The following KDM2A variants were observed in gnomAD, a reference collection of about 807,000 sequenced individuals.
KDM2A encodes lysine demethylase 2A, also known as lysine-specific demethylase 2A.
KDM2A carries 3 observed loss-of-function variants against 137.3 expected under a neutral mutation model. That is an observed-to-expected ratio of 0.02 (90% CI 0.01 to 0.06). KDM2A has a LOEUF of 0.06. Ranked by LOEUF, KDM2A falls within the 10% of genes least tolerant of loss-of-function variation. KDM2A has a pLI of 1.00. For synonymous variants in KDM2A, 512 were observed against 541.5 expected (o/e 0.95, Z 0.76); for missense variants, 738 against 1,510.6 (o/e 0.49, Z 8.48).
At chr11:67,173,802 T>C (rs1389543478) in intron 2 of KDM2A, among the ~76,000 whole-genome samples, 1 of 152,174 alleles carries the variant, frequency 6.6e-6, no homozygotes, top group Non-Finnish European at 1.5e-5. Flanking sequence ...AGCCTCAAGC[T>C]CCTGAGCTCA....
At chr11:67,234,981 G>T (rs1858824196) in intron 12 of KDM2A, among the ~76,000 whole-genome samples, 1 of 151,474 alleles carries the variant, frequency 6.6e-6, no homozygotes, top group South Asian at 2.1e-4. Context: ...CCCGTCTCTA[G>T]AAAAAATACA....
intron 2 of KDM2A, among the ~76,000 whole-genome samples, chr11:67,137,211 G>A (rs763444847): frequency 2.0e-5 from 3 of 152,184 alleles, no homozygotes; most frequent in Non-Finnish European, 4.4e-5. Flanking sequence ...ATAAGTGAAG[G>A]AGAGAGTTAA....
intron 2 of KDM2A, among the ~76,000 whole-genome samples, chr11:67,150,893 CCT>C (rs1334874641): frequency 2.6e-5 from 4 of 152,120 alleles, no homozygotes; most frequent in African/African-American, 9.7e-5. Context: ...ATAGCATTCA[CCT>C]CTTCTTTCAT....
In KDM2A at chr11:67,121,231, T is replaced by C. The variant is rs1390637607; in HGVS notation, c.-83-3T>C. The C allele has an allele frequency of 1.1e-6, 1 of 917,670 alleles. No homozygotes were observed. Among genetic ancestry groups the C allele is most frequent in the Non-Finnish European group, 1.8e-6 (1 of 559,140 alleles). 56.8% of individuals were successfully genotyped at this position (917,670 alleles called of 1,614,324 possible). A position where few individuals can be genotyped will look rare whatever the true frequency, so the allele number is the denominator to read the frequency against. The stretch of plus-strand genomic sequence containing the variant: ...CATTTCTGCTTATATCATTATTCTT[T>C]AGTGTTGCAATCTGGTTCCTAAGGA... On this transcript the variant is annotated splice_polypyrimidine_tract_variant and splice_region_variant and intron_variant, in intron 1 of 20. Transcript: ENST00000529006.
At chr11:67,196,416 A>G in intron 5 of KDM2A, 1 of 456,086 alleles carries the variant, frequency 2.2e-6, no homozygotes, top group Non-Finnish European at 4.4e-6. Flanking sequence ...CTGGGACTGC[A>G]AGCATGAGCC....
Position 67,207,695 on chromosome 11 carries a change from G to C in KDM2A, c.486+7G>C. ...GGTGCAGAGGCCCTCCACGGTTAGT[G>C]TAATCATTTTCTTCATATTGTCATT... On this transcript the variant is annotated splice_region_variant and intron_variant, in intron 6 of 20. Coordinates refer to ENST00000529006, the MANE Select transcript of KDM2A (RefSeq NM_012308.3). 6.3e-7 allele frequency: 1 copy of C among 1,585,462 alleles called. No individual in the cohort carries two copies. Among genetic ancestry groups the C allele is most frequent in the Non-Finnish European group, 8.6e-7 (1 of 1,162,338 alleles).
At chr11:67,141,975 A>G (rs1182149685) in intron 2 of KDM2A, among the ~76,000 whole-genome samples, 5 of 151,978 alleles carry the variant, frequency 3.3e-5, no homozygotes, top group Non-Finnish European at 5.9e-5. Flanking sequence ...CTCCAATTCC[A>G]TCCATGTTCC....
At chr11:67,154,318 A>G (rs1429571495) in intron 2 of KDM2A, among the ~76,000 whole-genome samples, 1 of 152,240 alleles carries the variant, frequency 6.6e-6, no homozygotes, top group Non-Finnish European at 1.5e-5. Flanking sequence ...AAAATTAACC[A>G]TTGATCATTT....
At chr11:67,196,166 C>T (rs1426506227) in intron 5 of KDM2A, 1 of 430,300 alleles carries the variant, frequency 2.3e-6, no homozygotes, top group Non-Finnish European at 4.7e-6. Context: ...AAGACATAAT[C>T]CACTACAGTG....
intron 2 of KDM2A, among the ~76,000 whole-genome samples, chr11:67,169,353 G>T (rs901168708): frequency 6.6e-6 from 1 of 150,824 alleles, no homozygotes; most frequent in African/African-American, 2.4e-5. Context: ...ATAGTGACAA[G>T]ATTGGTTTCT....
At chr11:67,121,390 A>G in intron 2 of KDM2A, 32 bp downstream of exon 2, 2 of 1,595,070 alleles carry the variant, frequency 1.3e-6, no homozygotes, top group Middle Eastern at 1.7e-4. Flanking sequence ...CACACCCTCC[A>G]GTTTTAAAGT....
chr11:67,194,430 TAAC>T (rs1857432165), intron 5 of KDM2A, among the ~76,000 whole-genome samples: 1 of 152,214 alleles, frequency 6.6e-6, no homozygotes, highest in African/African-American at 2.4e-5. Flanking sequence ...TCTGAATTAC[TAAC>T]AACGTGTTCT....
intron 5 of KDM2A, among the ~76,000 whole-genome samples, chr11:67,188,216 C>A (rs533109075): frequency 1.3e-5 from 2 of 151,638 alleles, no homozygotes; most frequent in African/African-American, 4.9e-5. Context: ...CAGTGACTCA[C>A]GCTTGTAATC....
intron 8 of KDM2A, 77 bp from the exon 9 acceptor site, chr11:67,217,654 G>A: frequency 2.1e-6 from 3 of 1,431,836 alleles, no homozygotes. Flanking sequence ...TCTTAATTTT[G>A]TACCTGTTTA....
At chr11:67,211,993 G>A (rs1858008834) in intron 6 of KDM2A, among the ~76,000 whole-genome samples, 1 of 152,124 alleles carries the variant, frequency 6.6e-6, no homozygotes, top group African/African-American at 2.4e-5. Flanking sequence ...AGTATGAGCA[G>A]TGCTTCAAAA....
At chr11:67,239,671 G>C (rs749114662) in intron 12 of KDM2A, among the ~76,000 whole-genome samples, 4 of 152,210 alleles carry the variant, frequency 2.6e-5, no homozygotes, top group Non-Finnish European at 5.9e-5. Context: ...GTCAGCCAGA[G>C]AGCTCTGGCA....
At chr11:67,196,408 G>A (rs1214313291) in intron 5 of KDM2A, 1 of 456,068 alleles carries the variant, frequency 2.2e-6, no homozygotes, top group South Asian at 1.5e-5. Flanking sequence ...TTGCATAGCT[G>A]GGACTGCAAG....
intron 12 of KDM2A, among the ~76,000 whole-genome samples, chr11:67,232,919 AG>A (rs1858759585): frequency 6.6e-6 from 1 of 151,944 alleles, no homozygotes; most frequent in Non-Finnish European, 1.5e-5. Flanking sequence ...CATGTTGGCC[AG>A]GCTGGTCTCG....
intron 2 of KDM2A, among the ~76,000 whole-genome samples, chr11:67,152,234 G>A (rs1433740896): frequency 6.6e-6 from 1 of 152,018 alleles, no homozygotes; most frequent in Non-Finnish European, 1.5e-5. Context: ...GATCACTTGA[G>A]CCCAGGAGGC....
Sources: gnomAD v4.1 joint callset for allele counts (sites outside exome capture counted in the v4.1 genomes callset) on GRCh38, gnomAD v4.1.1 for gene constraint, MANE v1.5 for transcripts, NCBI Gene and HGNC (gene_info 2026-07-23, HGNC 2026-07-21) for gene names.